Variants in SLC26A7 observed in about 807,000 individuals in gnomAD.
SLC26A7 encodes solute carrier family 26 member 7.
Under a neutral mutation model 82.5 loss-of-function variants are expected in SLC26A7, and 59 were observed. The observed-to-expected ratio is 0.72, with a 90% CI of 0.58 to 0.89. SLC26A7 has a LOEUF of 0.89. Ranked by LOEUF, SLC26A7 falls within the 40% of genes least tolerant of loss-of-function variation. The probability of loss-of-function intolerance (pLI) is 0.00; values close to 1 mark genes in which losing one functional copy is unlikely to be tolerated. For missense variants in SLC26A7, 820 were observed against 793.0 expected (o/e 1.03, Z -0.41); for synonymous variants, 271 against 274.3 (o/e 0.99, Z 0.12).
upstream of SLC26A7, among the ~76,000 whole-genome samples, chr8:91,244,809 C>T (rs1404797231): frequency 6.6e-6 from 1 of 152,000 alleles, no homozygotes; most frequent in Non-Finnish European, 1.5e-5. Flanking sequence ...GTATGAGCCA[C>T]TGCACCTGGC....
At chr8:91,284,532 T>A (rs1811659417) in intron 2 of SLC26A7, among the ~76,000 whole-genome samples, 1 of 152,194 alleles carries the variant, frequency 6.6e-6, no homozygotes, top group Non-Finnish European at 1.5e-5. Context: ...CACATTTGTT[T>A]TTAGACATTG....
At chr8:91,351,212 C>A (rs1370287869) in intron 9 of SLC26A7, among the ~76,000 whole-genome samples, 1 of 152,106 alleles carries the variant, frequency 6.6e-6, no homozygotes, top group Non-Finnish European at 1.5e-5. Flanking sequence ...CTTTTGTCAG[C>A]AGGCTGGTTG....
Position 91,289,831 on chromosome 8 carries a change from C to G in SLC26A7, c.304+585C>G, listed in dbSNP as rs34747472. On this transcript the variant is annotated intron_variant, in intron 3 of 18. Coordinates refer to ENST00000276609, the MANE Select transcript of SLC26A7 (RefSeq NM_052832.4). ...ATTCCAGGCTAGTTTATACAATGCT[C>G]TTTACTTGGTGTAACTCTTACCTTA... 2.6e-5 allele frequency among the ~76,000 whole-genome samples: 4 copies of G among 152,128 alleles called. No homozygotes were observed. The East Asian group carries it at 7.7e-4, about 29-fold the overall frequency.
chr8:91,349,517 AT>A (rs1813657192), intron 9 of SLC26A7, among the ~76,000 whole-genome samples: 1 of 152,206 alleles, frequency 6.6e-6, no homozygotes, highest in Admixed American at 6.6e-5. Flanking sequence ...TGTAATTTCT[AT>A]AACAGCTTTA....
intron 9 of SLC26A7, among the ~76,000 whole-genome samples, 161 bp from the exon 10 acceptor site, chr8:91,351,642 TTGCAAAA>T (rs1418342559): frequency 2.6e-5 from 4 of 152,174 alleles, no homozygotes; most frequent in Non-Finnish European, 5.9e-5. Context: ...CTTCCCTCAG[TTGCAAAA>T]TATAGATAAT....
At chr8:91,231,969 T>C (rs1206727152) in intron 2 of SLC26A7, among the ~76,000 whole-genome samples, 4 of 152,222 alleles carry the variant, frequency 2.6e-5, no homozygotes, top group East Asian at 1.9e-4. Context: ...TTTAGAATAG[T>C]AGGTATATGA....
At chr8:91,244,104 T>C (rs550614252) in intron 2 of SLC26A7, among the ~76,000 whole-genome samples, 3 of 152,280 alleles carry the variant, frequency 2.0e-5, no homozygotes, top group Admixed American at 2.0e-4. Flanking sequence ...GACACACAAT[T>C]ATGTAGTCCT....
chr8:91,394,191 A>T, intron 18 of SLC26A7, 152 bp downstream of exon 18: 1 of 1,611,938 alleles, frequency 6.2e-7, no homozygotes, highest in South Asian at 1.1e-5. Flanking sequence ...TATTACAGGT[A>T]AAAGAATGTT....
At chr8:91,356,656 A>G (rs1297998202) in intron 11 of SLC26A7, among the ~76,000 whole-genome samples, 2 of 152,088 alleles carry the variant, frequency 1.3e-5, no homozygotes, top group Non-Finnish European at 2.9e-5. Flanking sequence ...TAGGTTGTGA[A>G]AATTTTCTCC....
chr8:91,387,813 A>G (rs1814839766), intron 15 of SLC26A7, among the ~76,000 whole-genome samples: 1 of 152,142 alleles, frequency 6.6e-6, no homozygotes, highest in South Asian at 2.1e-4. Context: ...AAGGAATAAG[A>G]CCTCACTCAT....
Position 91,362,479 on chromosome 8 carries a change from C to T in SLC26A7, c.1421+20C>T. 8 of 1,593,326 alleles carry T rather than the reference C, an allele frequency of 5.0e-6. No individual in the cohort carries two copies. Among genetic ancestry groups the T allele is most frequent in the Non-Finnish European group, 6.9e-6 (8 of 1,163,536 alleles). ...CCCAAGGTAGGATCCTATGTAAATG[C>T]TCTGTTTATTTTTGCACAGCAGCAA... On this transcript the variant is annotated intron_variant, in intron 12 of 18. Transcript: ENST00000276609.
At chr8:91,369,937 T>C in intron 15 of SLC26A7, 104 bp downstream of exon 15, 1 of 872,476 alleles carries the variant, frequency 1.1e-6, no homozygotes. Flanking sequence ...CTCCCTCTTC[T>C]GTTCTTCTTC....
chr8:91,336,159 G>C (rs546260504), intron 6 of SLC26A7, among the ~76,000 whole-genome samples: 1 of 152,110 alleles, frequency 6.6e-6, no homozygotes, highest in East Asian at 1.9e-4. Flanking sequence ...CAGAAAGAAG[G>C]GTACAGGTTT....
chr8:91,340,631 T>G, intron 8 of SLC26A7, 80 bp downstream of exon 8: 10 of 1,516,390 alleles, frequency 6.6e-6, no homozygotes, highest in Non-Finnish European at 9.1e-6. Context: ...ATGATGAACT[T>G]ATGAAAAATA....
In SLC26A7 at chr8:91,334,401, A is replaced by C. The variant is rs1216348693; in HGVS notation, c.749A>C (p.Gln250Pro). Residue 250 changes from glutamine to proline, a missense_variant, in exon 6 of 19, where the codon CAG becomes CCG. By Grantham distance (76) the Gln-to-Pro change is moderately conservative. Coordinates refer to ENST00000276609, the MANE Select transcript of SLC26A7 (RefSeq NM_052832.4). ...VLVLVKELNEQFKRKIKVVLP... is the reference protein window; with the variant it reads ...VLVLVKELNEPFKRKIKVVLP... ...GTTCTTGTTAAAGAGCTGAATGAAC[A>C]GTTTAAAAGGAAAATTAAAGTTGTT... The C allele has an allele frequency of 7.4e-6, 12 of 1,613,344 alleles. No homozygotes were observed. The highest frequency in any genetic ancestry group is 1.0e-5 in the Non-Finnish European group (12 of 1,179,572).
chr8:91,248,574 C>T (rs539310814), upstream of SLC26A7, among the ~76,000 whole-genome samples: 5 of 151,914 alleles, frequency 3.3e-5, no homozygotes, highest in Non-Finnish European at 5.9e-5. Context: ...CTTTTGGAGG[C>T]TAAGCAAAAT....
At chr8:91,317,202 C>T (rs1812661953) in intron 4 of SLC26A7, among the ~76,000 whole-genome samples, 1 of 151,740 alleles carries the variant, frequency 6.6e-6, no homozygotes, top group African/African-American at 2.4e-5. Flanking sequence ...TTGCTGCTTC[C>T]TGTCATTCCT....
At chr8:91,354,351 A>C (rs1813803670) in intron 11 of SLC26A7, among the ~76,000 whole-genome samples, 1 of 152,144 alleles carries the variant, frequency 6.6e-6, no homozygotes, top group South Asian at 2.1e-4. Context: ...TCATATGCAA[A>C]GATACAGAGA....
At chr8:91,357,331 G>A (rs1010142481) in intron 11 of SLC26A7, 7 of 152,144 alleles carry the variant, frequency 4.6e-5, no homozygotes, top group Non-Finnish European at 1.0e-4. Flanking sequence ...TATTTGGCAA[G>A]TCTATATCAT....
Sources: gnomAD v4.1 joint callset for allele counts (sites outside exome capture counted in the v4.1 genomes callset) on GRCh38, gnomAD v4.1.1 for gene constraint, MANE v1.5 for transcripts, NCBI Gene and HGNC (gene_info 2026-07-23, HGNC 2026-07-21) for gene names.